Variants in MAP2 observed in about 807,000 individuals in gnomAD.
MAP2 encodes microtubule associated protein 2.
Under a neutral mutation model 137.6 loss-of-function variants are expected in MAP2, and 14 were observed. The observed-to-expected ratio is 0.10, with a 90% CI of 0.07 to 0.16. The LOEUF is 0.16. Among genes scored for constraint, MAP2 ranks in the 10% least tolerant of loss-of-function variants. The pLI, the probability that MAP2 is intolerant of heterozygous loss-of-function variation, is 1.00. For missense variants in MAP2, 2,088 were observed against 2,191.5 expected, an observed-to-expected ratio of 0.95 and a Z score of 0.94; for synonymous variants, 786 against 782.3, an observed-to-expected ratio of 1.00 and a Z score of -0.08.
rs1054595340 is a variant in MAP2 at position 209,653,035 on chromosome 2, A to G, written c.-29-107A>G. 34 of 760,646 alleles carry G rather than the reference A, an allele frequency of 4.5e-5. No homozygotes were observed. In the Middle Eastern group the frequency reaches 1.2e-3, roughly 27 times the overall value. The allele number at this position is 760,646 out of a possible 1,614,324, so 47.1% of individuals were successfully genotyped here. A position where few individuals can be genotyped will look rare whatever the true frequency, so the allele number is the denominator to read the frequency against. On this transcript the variant is annotated intron_variant, in intron 4 of 15. Coordinates refer to ENST00000682079, the MANE Select transcript of MAP2 (RefSeq NM_001375505.1). ...TAGGTTATTGTACATGTTTTCTTTG[A>G]CCATAGAAAGCCACACGGTTTGCTA...
chr2:209,613,196 G>GCCA (rs2087615357), intron 3 of MAP2, among the ~76,000 whole-genome samples: 2 of 151,880 alleles, frequency 1.3e-5, no homozygotes, highest in Non-Finnish European at 2.9e-5. Context: ...AAAACATGAG[G>GCCA]CAAAGAGAAA....
At chr2:209,503,372 T>C (rs2060634216) in intron 1 of MAP2, among the ~76,000 whole-genome samples, 1 of 152,096 alleles carries the variant, frequency 6.6e-6, no homozygotes, top group African/African-American at 2.4e-5. Flanking sequence ...CTAGGTTACC[T>C]TTTTATTTTG....
chr2:209,437,111 C>G (rs1194148696), intron 1 of MAP2, among the ~76,000 whole-genome samples: 2 of 151,544 alleles, frequency 1.3e-5, no homozygotes, highest in Non-Finnish European at 3.0e-5. Context: ...ATCATTTTCT[C>G]AAAAATAAAT....
intron 1 of MAP2, among the ~76,000 whole-genome samples, chr2:209,444,805 A>G (rs1295426171): frequency 6.6e-6 from 1 of 151,564 alleles, no homozygotes; most frequent in Admixed American, 6.6e-5. Context: ...TTTCTTGATT[A>G]AAAGTTCTTA....
chr2:209,541,535 G>C (rs766390482), intron 2 of MAP2, among the ~76,000 whole-genome samples: 1 of 146,908 alleles, frequency 6.8e-6, no homozygotes, highest in Non-Finnish European at 1.5e-5. Context: ...ATGCAATGTT[G>C]TTTGATAGCA....
At chr2:209,603,242 C>T (rs558013010) in intron 3 of MAP2, among the ~76,000 whole-genome samples, 136 of 152,226 alleles carry the variant, frequency 8.9e-4, no homozygotes, top group African/African-American at 2.6e-3. Context: ...CTAAATTACA[C>T]TGTGGAATCT....
intron 1 of MAP2, among the ~76,000 whole-genome samples, chr2:209,447,111 T>C (rs866367696): frequency 2.6e-5 from 4 of 152,128 alleles, no homozygotes; most frequent in Middle Eastern, 3.4e-3. Context: ...GTAGAGTAAC[T>C]CCTTCTTCTT....
intron 5 of MAP2, among the ~76,000 whole-genome samples, chr2:209,675,214 A>C (rs1294576878): frequency 6.6e-6 from 1 of 151,892 alleles, no homozygotes; most frequent in East Asian, 1.9e-4. Flanking sequence ...AAGAAGAAAA[A>C]ATTTACCAAT....
chr2:209,610,992 G>A (rs1018259977), intron 3 of MAP2, among the ~76,000 whole-genome samples: 4 of 152,134 alleles, frequency 2.6e-5, no homozygotes, highest in African/African-American at 7.2e-5. Flanking sequence ...ATTCTACAAA[G>A]AGTCTATTAT....
intron 2 of MAP2, among the ~76,000 whole-genome samples, chr2:209,541,150 C>A (rs554951291): frequency 4.6e-5 from 7 of 151,204 alleles, no homozygotes; most frequent in African/African-American, 1.7e-4. Context: ...CCTGCCTCAG[C>A]CTCCCAAGTA....
Position 209,705,177 on chromosome 2 carries a change from G to A in MAP2, c.4585-403G>A, listed in dbSNP as rs138524976. 9.3e-3 allele frequency among the ~76,000 whole-genome samples: 1,418 copies of A among 152,108 alleles called. 12 individuals are homozygous for A. Among genetic ancestry groups the A allele is most frequent in the Middle Eastern group, 0.02 (6 of 294 alleles). On this transcript the variant is annotated intron_variant, in intron 11 of 15. Coordinates refer to ENST00000682079, the MANE Select transcript of MAP2 (RefSeq NM_001375505.1). ...TATAAAGGGTTCCTGTCACATACAC[G>A]CACAAGATATGGTAATGGTCATTGT... is the stretch of plus-strand genomic sequence containing the variant.
intron 4 of MAP2, among the ~76,000 whole-genome samples, chr2:209,648,783 C>T (rs1158659772): frequency 1.0e-4 from 14 of 134,954 alleles, no homozygotes; most frequent in Non-Finnish European, 2.0e-4. Flanking sequence ...AGCAAGACTC[C>T]GTCTCAAAAA....
Position 209,650,678 on chromosome 2 carries a change from A to G in MAP2, c.-29-2464A>G, listed in dbSNP as rs1433546126. ...TAAACTATGGACTGTAGTTAAAAGT[A>G]ATGTTCACTAATTATATAAATGTAC... On this transcript the variant is annotated intron_variant, in intron 4 of 15. Transcript: ENST00000682079. 2.0e-5 allele frequency among the ~76,000 whole-genome samples: 3 copies of G among 152,220 alleles called. No homozygotes were observed. The East Asian group carries it at 5.8e-4, about 29-fold the overall frequency.
chr2:209,453,747 G>C (rs886562536), intron 1 of MAP2, among the ~76,000 whole-genome samples: 4 of 149,864 alleles, frequency 2.7e-5, no homozygotes, highest in Non-Finnish European at 5.9e-5. Flanking sequence ...TACATAGATG[G>C]GGTGTCATGT....
At chr2:209,519,416 T>G (rs1490698510) in intron 2 of MAP2, among the ~76,000 whole-genome samples, 1 of 152,034 alleles carries the variant, frequency 6.6e-6, no homozygotes, top group East Asian at 1.9e-4. Context: ...CAGGAAGAAG[T>G]TTTGCAACTT....
intron 4 of MAP2, among the ~76,000 whole-genome samples, chr2:209,638,707 C>CA: frequency 6.6e-6 from 1 of 152,206 alleles, no homozygotes; most frequent in Admixed American, 6.5e-5. Flanking sequence ...GGTTTTTACT[C>CA]ATGTAGTACC....
chr2:209,586,789 A>G (rs2077839354), intron 3 of MAP2, among the ~76,000 whole-genome samples: 1 of 152,180 alleles, frequency 6.6e-6, no homozygotes, highest in African/African-American at 2.4e-5. Context: ...CATGGAGACC[A>G]TGCTTTGATT....
chr2:209,435,934 TATA>T (rs1695847861), intron 1 of MAP2, among the ~76,000 whole-genome samples: 1 of 143,230 alleles, frequency 7.0e-6, no homozygotes, highest in East Asian at 2.0e-4. Flanking sequence ...ATATATTATA[TATA>T]TAATATATAC....
At chr2:209,570,956 C>T (rs2074300621) in intron 2 of MAP2, among the ~76,000 whole-genome samples, 1 of 151,818 alleles carries the variant, frequency 6.6e-6, no homozygotes, top group South Asian at 2.1e-4. Context: ...TGCCATATTC[C>T]TAAAATACAA....
Sources: gnomAD v4.1 joint callset for allele counts (sites outside exome capture counted in the v4.1 genomes callset) on GRCh38, gnomAD v4.1.1 for gene constraint, MANE v1.5 for transcripts, NCBI Gene and HGNC (gene_info 2026-07-23, HGNC 2026-07-21) for gene names.